LAMA1: variants seen among roughly 807,000 people sequenced by gnomAD.
The protein encoded by LAMA1 is laminin subunit alpha 1, also known as laminin subunit alpha-1.
In LAMA1, 219 loss-of-function variants were observed where a neutral mutation model predicts 348.7. The observed-to-expected ratio is 0.63, with a 90% CI of 0.56 to 0.70. The LOEUF (loss-of-function observed/expected upper bound fraction) is 0.70. Ranked by LOEUF, LAMA1 falls within the 30% of genes least tolerant of loss-of-function variation. LAMA1 has a pLI of 0.00. For synonymous variants in LAMA1, 1,487 were observed against 1,491.0 expected, an observed-to-expected ratio of 1.00 and a Z score of 0.06; for missense variants, 3,744 against 3,888.0, an observed-to-expected ratio of 0.96 and a Z score of 0.99.
Position 6,964,576 on chromosome 18 carries a change from C to T in LAMA1, c.7337+86G>A, listed in dbSNP as rs908646331. ...AATAAATTAGTGTTGTTTAAGCCAC[C>T]TGGTTTGTGATACAGTCCATTCTCA... is the stretch of plus-strand genomic sequence containing the variant. On this transcript the variant is annotated intron_variant, in intron 51 of 62. Transcript: ENST00000389658. 6.6e-6 allele frequency: 10 copies of T among 1,512,262 alleles called. No individual in the cohort carries two copies. The Admixed American group carries it at 1.5e-4, about 23-fold the overall frequency. The allele number at this position is 1,512,262 out of a possible 1,614,324, so 93.7% of individuals were successfully genotyped here.
intron 46 of LAMA1, among the ~76,000 whole-genome samples, chr18:6,974,487 C>T (rs1485340843): frequency 5.7e-5 from 8 of 139,472 alleles, no homozygotes; most frequent in Admixed American, 3.8e-4. Flanking sequence ...ATGGGAGTCT[C>T]GCTCTGTTGC....
At chr18:7,078,388 G>T (rs901381308) in intron 3 of LAMA1, among the ~76,000 whole-genome samples, 3 of 151,422 alleles carry the variant, frequency 2.0e-5, no homozygotes, top group Admixed American at 6.6e-5. Context: ...GGATGGTCTC[G>T]ATCTCCTGAC....
chr18:7,061,235 G>A (rs995281862), intron 3 of LAMA1, among the ~76,000 whole-genome samples: 22 of 152,162 alleles, frequency 1.4e-4, no homozygotes, highest in Admixed American at 1.4e-3. Context: ...TCCCTTCCTA[G>A]TCTCGATGTA....
chr18:6,984,351 T>C (rs1278720719), intron 39 of LAMA1, among the ~76,000 whole-genome samples: 1 of 152,184 alleles, frequency 6.6e-6, no homozygotes, highest in Non-Finnish European at 1.5e-5. Flanking sequence ...CCCAGTGTGG[T>C]CAGACTTGTC....
chr18:7,041,702 C>A (rs757856009), intron 9 of LAMA1, among the ~76,000 whole-genome samples: 2 of 152,212 alleles, frequency 1.3e-5, no homozygotes, highest in Non-Finnish European at 2.9e-5. Flanking sequence ...CTTCTAAAAG[C>A]TAAGGAGAGC....
chr18:7,069,468 T>G (rs2058137144), intron 3 of LAMA1, among the ~76,000 whole-genome samples: 1 of 152,144 alleles, frequency 6.6e-6, no homozygotes, highest in African/African-American at 2.4e-5. Flanking sequence ...AGGCCTCAAA[T>G]TCTTCACCCC....
At chr18:7,017,210 C>T in intron 20 of LAMA1, 68 bp downstream of exon 20, 2 of 1,259,474 alleles carry the variant, frequency 1.6e-6, no homozygotes, top group Non-Finnish European at 2.3e-6. Context: ...GACTTAGCTC[C>T]TTCTGAGTCA....
At chr18:7,003,504 C>T (rs957615541) in intron 29 of LAMA1, among the ~76,000 whole-genome samples, 8 of 152,058 alleles carry the variant, frequency 5.3e-5, no homozygotes, top group South Asian at 2.1e-4. Flanking sequence ...GTGATCTGCC[C>T]GCCTCGGCCT....
intron 19 of LAMA1, among the ~76,000 whole-genome samples, chr18:7,022,118 GT>G (rs936988437): frequency 7.9e-5 from 12 of 152,094 alleles, no homozygotes; most frequent in African/African-American, 2.9e-4. Context: ...CCACAGGTAT[GT>G]TTTCCCCCCA....
Position 7,050,745 on chromosome 18 carries a change from TTCA to T in LAMA1, c.534_536del (p.Asp178del). The T allele has an allele frequency of 6.2e-7, 1 of 1,614,108 alleles. No homozygotes were observed. Among genetic ancestry groups the T allele is most frequent in the Non-Finnish European group, 8.5e-7 (1 of 1,180,008 alleles). Reference sequence around the variant, plus strand: ...TGGAATAATAGGAGGTGCAGATCACTTCATCATCAGCCCTGTAGGTGGGTGGCC... The same window carrying T: ...TGGAATAATAGGAGGTGCAGATCACTTCATCAGCCCTGTAGGTGGGTGGCC... On this transcript the variant is annotated inframe_deletion, in exon 4 of 63. Coordinates refer to ENST00000389658, the MANE Select transcript of LAMA1 (RefSeq NM_005559.4).
At chr18:7,064,145 T>C (rs550525824) in intron 3 of LAMA1, among the ~76,000 whole-genome samples, 1 of 152,082 alleles carries the variant, frequency 6.6e-6, no homozygotes, top group Non-Finnish European at 1.5e-5. Flanking sequence ...TTGGATGTTG[T>C]GTATTGTGGA....
At chr18:6,942,403 C>T (rs1239214283) in intron 62 of LAMA1, among the ~76,000 whole-genome samples, 164 bp from the exon 63 acceptor site, 1 of 151,958 alleles carries the variant, frequency 6.6e-6, no homozygotes, top group Non-Finnish European at 1.5e-5. Flanking sequence ...CAGTGACTAG[C>T]AGAATTCAGA....
chr18:7,027,299 G>A (rs1416891167), intron 16 of LAMA1, among the ~76,000 whole-genome samples: 2 of 152,136 alleles, frequency 1.3e-5, no homozygotes, highest in Non-Finnish European at 2.9e-5. Context: ...AATGGCCATT[G>A]TCTATGCAAA....
chr18:7,054,699 T>C (rs1179004498), intron 3 of LAMA1, among the ~76,000 whole-genome samples: 2 of 152,140 alleles, frequency 1.3e-5, no homozygotes, highest in Admixed American at 6.5e-5. Flanking sequence ...ATAAACTAAT[T>C]TTTTTGTGTG....
At chr18:6,998,651 C>T (rs769885647) in intron 32 of LAMA1, among the ~76,000 whole-genome samples, 6 of 152,216 alleles carry the variant, frequency 3.9e-5, no homozygotes, top group Admixed American at 3.3e-4. Flanking sequence ...TCCCTATCTT[C>T]CCCATTAACC....
chr18:7,027,232 A>G (rs2057947990), intron 16 of LAMA1, among the ~76,000 whole-genome samples: 3 of 152,298 alleles, frequency 2.0e-5, no homozygotes, highest in South Asian at 4.1e-4. Flanking sequence ...ACTTAAGTTG[A>G]TAAGTGTACT....
rs1359389728 is a variant in LAMA1 at position 7,007,359 on chromosome 18, C to A, written c.4123-83G>T. On this transcript the variant is annotated intron_variant, in intron 28 of 62. Coordinates refer to ENST00000389658, the MANE Select transcript of LAMA1 (RefSeq NM_005559.4). ...TGAATAGACACTTCTCCAAAGGAGA[C>A]ATACAAATGGCCAACAGGTATGTGA... 5.1e-6 allele frequency: 7 copies of A among 1,376,732 alleles called. No homozygotes were observed. In the East Asian group the frequency reaches 1.7e-4, roughly 34 times the overall value. The allele number at this position is 1,376,732 out of a possible 1,614,324, so 85.3% of individuals were successfully genotyped here.
At chr18:7,079,491 C>T (rs1271927513) in intron 3 of LAMA1, 2 of 214,904 alleles carry the variant, frequency 9.3e-6, no homozygotes, top group Non-Finnish European at 1.9e-5. Context: ...TTACCTGGCC[C>T]AGACAGACTA....
intron 60 of LAMA1, among the ~76,000 whole-genome samples, chr18:6,947,912 G>T (rs2057529503): frequency 6.6e-6 from 1 of 152,116 alleles, no homozygotes; most frequent in Non-Finnish European, 1.5e-5. Context: ...GGGAGCTGAG[G>T]CCATGGAGGG....
Sources: gnomAD v4.1 joint callset for allele counts (sites outside exome capture counted in the v4.1 genomes callset) on GRCh38, gnomAD v4.1.1 for gene constraint, MANE v1.5 for transcripts, NCBI Gene and HGNC (gene_info 2026-07-23, HGNC 2026-07-21) for gene names.